The following NKAIN3 variants were observed in gnomAD, a reference collection of about 807,000 sequenced individuals.
NKAIN3 encodes the protein sodium/potassium transporting ATPase interacting 3, also known as sodium/potassium-transporting ATPase subunit beta-1-interacting protein 3.
A neutral mutation model predicts 30.2 loss-of-function variants in NKAIN3; 25 were observed. The ratio of observed to expected loss-of-function variants is 0.83; its 90% CI spans 0.60 to 1.16. NKAIN3 has a LOEUF of 1.16. Among genes scored for constraint, NKAIN3 ranks in the 50% most tolerant of loss-of-function variants. NKAIN3 has a pLI of 0.00. For missense variants in NKAIN3, 225 were observed against 254.1 expected, an observed-to-expected ratio of 0.89 and a Z score of 0.78; for synonymous variants, 91 against 89.6, an observed-to-expected ratio of 1.02 and a Z score of -0.09.
At position 62,775,460 on chromosome 8, in the gene NKAIN3, A is replaced by G. The variant is rs73256908; in HGVS notation, c.471+28331A>G. Among the ~76,000 whole-genome samples the G allele has an allele frequency of 6.4e-3, 971 of 151,816 alleles. 11 individuals are homozygous for G. Among genetic ancestry groups the G allele is most frequent in the South Asian group, 0.031 (147 of 4,806 alleles). On this transcript the variant is annotated intron_variant, in intron 4 of 6. Transcript: ENST00000623646. ...TTCTTCTACTAGTTTTTCACTTGCAATGCTCTTGCTTTCCTAGTTTTTCAA... is the reference window on the plus strand; with the variant it reads ...TTCTTCTACTAGTTTTTCACTTGCAGTGCTCTTGCTTTCCTAGTTTTTCAA...
At chr8:62,517,684 G>A (rs1808036482) in intron 1 of NKAIN3, among the ~76,000 whole-genome samples, 4 of 152,090 alleles carry the variant, frequency 2.6e-5, no homozygotes, top group African/African-American at 7.2e-5. Flanking sequence ...GAAAGGAAAA[G>A]CAAATCTGCT....
chr8:62,488,231 C>T (rs553786485), intron 1 of NKAIN3, among the ~76,000 whole-genome samples: 1 of 152,080 alleles, frequency 6.6e-6, no homozygotes, highest in Non-Finnish European at 1.5e-5. Flanking sequence ...CTGGTTCACC[C>T]ACAGAGAACA....
chr8:62,947,259 C>T (rs922405746), intron 5 of NKAIN3, among the ~76,000 whole-genome samples: 6 of 152,160 alleles, frequency 3.9e-5, no homozygotes, highest in African/African-American at 1.4e-4. Flanking sequence ...CCCTTCCCCT[C>T]CTTCACTGAG....
At chr8:62,679,549 C>T (rs181657879) in intron 3 of NKAIN3, among the ~76,000 whole-genome samples, 2 of 152,264 alleles carry the variant, frequency 1.3e-5, no homozygotes, top group African/African-American at 2.4e-5. Flanking sequence ...TTAATTGGCT[C>T]ATGGTTCCAT....
At chr8:62,468,230 C>T (rs578161382) in intron 1 of NKAIN3, among the ~76,000 whole-genome samples, 95 of 151,978 alleles carry the variant, frequency 6.3e-4, no homozygotes, top group African/African-American at 2.2e-3. Flanking sequence ...TAATGTTAAT[C>T]GAATATAAAT....
At chr8:62,287,926 G>A (rs564595238) in intron 1 of NKAIN3, among the ~76,000 whole-genome samples, 18 of 152,184 alleles carry the variant, frequency 1.2e-4, no homozygotes, top group Non-Finnish European at 2.2e-4. Context: ...CTTAGCCTCC[G>A]CTTAACCTGT....
intron 1 of NKAIN3, among the ~76,000 whole-genome samples, chr8:62,508,910 C>G (rs1807729372): frequency 7.6e-6 from 1 of 131,964 alleles, no homozygotes; most frequent in African/African-American, 3.1e-5. Flanking sequence ...AACTCATGCT[C>G]CTCGCAATTC....
At chr8:62,735,725 A>G (rs957249087) in intron 3 of NKAIN3, among the ~76,000 whole-genome samples, 2 of 152,080 alleles carry the variant, frequency 1.3e-5, no homozygotes, top group African/African-American at 4.8e-5. Flanking sequence ...GTTTTGTTAT[A>G]TTACCAGAAT....
At chr8:62,370,422 TG>T (rs942505968) in intron 1 of NKAIN3, among the ~76,000 whole-genome samples, 1 of 151,110 alleles carries the variant, frequency 6.6e-6, no homozygotes, top group Non-Finnish European at 1.5e-5. Context: ...AAAAAGAAAA[TG>T]GGGGGGAACA....
chr8:62,448,573 C>T (rs543341334), intron 1 of NKAIN3, among the ~76,000 whole-genome samples: 1 of 151,140 alleles, frequency 6.6e-6, no homozygotes, highest in Non-Finnish European at 1.5e-5. Context: ...TGAGATTGTA[C>T]AATACATGCA....
rs1214150740 is a variant in NKAIN3, at chr8:62,981,636, A to C, written c.*16229A>C. 6.6e-6 allele frequency: 1 copy of C among 152,050 alleles called. No homozygotes were observed. Among genetic ancestry groups the C allele is most frequent in the African/African-American group, 2.4e-5 (1 of 41,392 alleles). 9.4% of individuals were successfully genotyped at this position (152,050 alleles called of 1,614,324 possible). Reference sequence around the variant, plus strand: ...GCCATTGCAGGTAGGAAAAAAAAAGACAAAAATGGTATTCTCAGGTGAGCT... The same window carrying C: ...GCCATTGCAGGTAGGAAAAAAAAAGCCAAAAATGGTATTCTCAGGTGAGCT... On this transcript the variant is annotated 3_prime_UTR_variant, in exon 7 of 7. Coordinates refer to ENST00000623646, the MANE Select transcript of NKAIN3 (RefSeq NM_001304533.3).
At chr8:62,791,950 T>C (rs564504374) in intron 4 of NKAIN3, among the ~76,000 whole-genome samples, 2 of 152,300 alleles carry the variant, frequency 1.3e-5, no homozygotes, top group South Asian at 4.1e-4. Context: ...ACCTGATGTT[T>C]TGATATGTAT....
chr8:62,752,677 C>T (rs1265516468), intron 4 of NKAIN3, among the ~76,000 whole-genome samples: 1 of 152,276 alleles, frequency 6.6e-6, no homozygotes, highest in Non-Finnish European at 1.5e-5. Context: ...AAAAGCTACT[C>T]TTTAACTTCT....
At chr8:62,368,466 A>G (rs1417114887) in intron 1 of NKAIN3, among the ~76,000 whole-genome samples, 1 of 152,198 alleles carries the variant, frequency 6.6e-6, no homozygotes, top group African/African-American at 2.4e-5. Context: ...TTTTTAATAA[A>G]TGGTGTTGGA....
chr8:62,560,811 G>T (rs571950911), intron 1 of NKAIN3, among the ~76,000 whole-genome samples: 1 of 152,076 alleles, frequency 6.6e-6, no homozygotes, highest in East Asian at 1.9e-4. Context: ...AAAATGCTGG[G>T]ATTACAGGGG....
intron 1 of NKAIN3, among the ~76,000 whole-genome samples, chr8:62,365,802 A>C (rs944381992): frequency 3.3e-5 from 5 of 152,020 alleles, no homozygotes; most frequent in African/African-American, 9.7e-5. Flanking sequence ...TTGAGTGTGA[A>C]GTGATATCCA....
At chr8:62,699,607 C>T (rs1259337185) in intron 3 of NKAIN3, among the ~76,000 whole-genome samples, 1 of 152,156 alleles carries the variant, frequency 6.6e-6, no homozygotes, top group Non-Finnish European at 1.5e-5. Context: ...AACTTAAGAT[C>T]TTCAAAAGCC....
At chr8:62,318,340 A>T (rs904733142) in intron 1 of NKAIN3, among the ~76,000 whole-genome samples, 2 of 152,160 alleles carry the variant, frequency 1.3e-5, no homozygotes, top group Admixed American at 6.6e-5. Context: ...CCTATGTTGA[A>T]TAGGAGTGGT....
chr8:62,907,933 C>T (rs1218804585), intron 4 of NKAIN3, among the ~76,000 whole-genome samples: 1 of 152,188 alleles, frequency 6.6e-6, no homozygotes, highest in Non-Finnish European at 1.5e-5. Context: ...GAGATGAGGG[C>T]CACTGTCCTT....
Sources: allele counts gnomAD v4.1 joint callset (sites outside exome capture counted in the v4.1 genomes callset), GRCh38; gene constraint gnomAD v4.1.1; transcripts MANE v1.5; gene names NCBI Gene and HGNC (gene_info 2026-07-23, HGNC 2026-07-21).